Variants in GTF3C1 observed in about 807,000 individuals in gnomAD.
GTF3C1 encodes the protein general transcription factor IIIC subunit 1.
Under a neutral mutation model 226.7 loss-of-function variants are expected in GTF3C1, and 57 were observed. That is an observed-to-expected ratio of 0.25 (90% confidence interval 0.20 to 0.31). The LOEUF (loss-of-function observed/expected upper bound fraction) is 0.31, where lower values mean the gene tolerates loss of function less well. Among genes scored for constraint, GTF3C1 ranks in the 10% least tolerant of loss-of-function variants. GTF3C1 has a pLI of 1.00. For synonymous variants in GTF3C1, 1,090 were observed against 1,084.8 expected (o/e 1.00, Z -0.09); for missense variants, 2,217 against 2,776.1 (o/e 0.80, Z 4.53).
chr16:27,484,838 G>A (rs138280708), intron 24 of GTF3C1, among the ~76,000 whole-genome samples: 6 of 152,372 alleles, frequency 3.9e-5, no homozygotes, highest in African/African-American at 9.6e-5. Context: ...AGGCAAGGCC[G>A]ACATGAGAAA....
At position 27,494,873 on chromosome 16, in the gene GTF3C1, G is replaced by A. The variant is rs201202851; in HGVS notation, c.2668C>T (p.Pro890Ser). 2.0e-5 allele frequency: 33 copies of A among 1,613,418 alleles called. No individual in the cohort carries two copies. The highest frequency in any genetic ancestry group is 5.0e-5 in the Admixed American group (3 of 60,010). The stretch of plus-strand genomic sequence containing the variant: ...AAGTCCCTGTGGACTGGGATTGGGG[G>A]GATGTAGCGCATCCACGAGGCATCG... ...VDDASWMRYIPPIPVHRDFGF... is the reference protein window; with the variant it reads ...VDDASWMRYISPIPVHRDFGF... The change falls in exon 16 of 37, where the codon CCC becomes TCC. Residue 890 changes from proline to serine, a missense_variant. By Grantham distance (74) the Pro-to-Ser change is moderately conservative. Around this residue, in one of 12 missense-constraint regions of GTF3C1, gnomAD observed 353 missense variants for 411.7 expected, o/e 0.86. Transcript: ENST00000356183.
rs1014685832 is a variant in GTF3C1 at position 27,507,991 on chromosome 16, G to T, written c.1242+549C>A. On this transcript the variant is annotated intron_variant, in intron 8 of 36. Transcript: ENST00000356183. The surrounding 1 kb of genome is among the most constrained non-coding windows in gnomAD (Gnocchi z 4.9). Reference sequence around the variant, plus strand: ...TCCCCATGTGGGAGTAGGCTCCCGGGGTGGCCACATCACCTTCTGACTACT... The same window carrying T: ...TCCCCATGTGGGAGTAGGCTCCCGGTGTGGCCACATCACCTTCTGACTACT... Among the ~76,000 whole-genome samples, 1 of 152,238 alleles carries T rather than the reference G, an allele frequency of 6.6e-6. No individual in the cohort carries two copies. Among genetic ancestry groups the T allele is most frequent in the East Asian group, 1.9e-4 (1 of 5,196 alleles).
At chr16:27,528,465 C>T (rs2088865893) in intron 6 of GTF3C1, 133 bp downstream of exon 6, 10 of 727,516 alleles carry the variant, frequency 1.4e-5, no homozygotes, top group East Asian at 7.6e-5. Flanking sequence ...GGCACTGAGG[C>T]GCAGAGTTAA....
chr16:27,521,070 T>C (rs556083272), intron 6 of GTF3C1, among the ~76,000 whole-genome samples: 1 of 152,350 alleles, frequency 6.6e-6, no homozygotes, highest in South Asian at 2.1e-4. Context: ...TGGTGTCAAC[T>C]GTGCAGTGCT....
intron 28 of GTF3C1, among the ~76,000 whole-genome samples, chr16:27,477,818 T>C (rs374019737): frequency 1.3e-5 from 2 of 152,156 alleles, no homozygotes; most frequent in African/African-American, 4.8e-5. Context: ...TAATCAACTG[T>C]TATTGATAAG....
In GTF3C1 at chr16:27,538,173, C is replaced by T; in HGVS notation, c.608+7G>A. The T allele has an allele frequency of 1.3e-6, 2 of 1,534,926 alleles. No homozygotes were observed. Among genetic ancestry groups the T allele is most frequent in the South Asian group, 2.5e-5 (2 of 81,156 alleles). On this transcript the variant is annotated splice_region_variant and intron_variant, in intron 3 of 36. Transcript: ENST00000356183. ...TTTAAAGCAGAGAAGCAAATCCCCC[C>T]ACTTACTTGAAAGCAGTGGTGTGAA...
rs116925653 is a variant in GTF3C1, at chr16:27,514,170, A to G, written c.974-2269T>C. ...ACCCCTCCACTCCTCACAGCATCAG[A>G]AAGTCCCCCAGGGCATGGCTTTTCA... On this transcript the variant is annotated intron_variant, in intron 6 of 36. Transcript: ENST00000356183. Among the ~76,000 whole-genome samples the G allele has an allele frequency of 8.5e-5, 13 of 152,302 alleles. No individual in the cohort carries two copies. In the East Asian group the frequency reaches 2.3e-3, roughly 27 times the overall value.
rs1040317356 is a variant in GTF3C1 at position 27,538,065 on chromosome 16, G to T, written c.608+115C>A. On this transcript the variant is annotated intron_variant, in intron 3 of 36. Transcript: ENST00000356183. The stretch of plus-strand genomic sequence containing the variant: ...AAGAAAACAGTCACTGTGAGACCAC[G>T]GCCTTGAAACAAAAAGCCATGCCTC... The T allele has an allele frequency of 2.4e-6, 3 of 1,268,028 alleles. No homozygotes were observed. The East Asian group carries it at 7.0e-5, about 29-fold the overall frequency. 78.5% of individuals were successfully genotyped at this position (1,268,028 alleles called of 1,614,324 possible). A position where few individuals can be genotyped will look rare whatever the true frequency, so the allele number is the denominator to read the frequency against.
intron 32 of GTF3C1, among the ~76,000 whole-genome samples, chr16:27,468,891 G>C (rs1369487206): frequency 6.6e-6 from 1 of 152,192 alleles, no homozygotes; most frequent in Non-Finnish European, 1.5e-5. Context: ...ATACCTAAAA[G>C]TTTCCTAAGA....
At chr16:27,527,218 A>G (rs2088846037) in intron 6 of GTF3C1, among the ~76,000 whole-genome samples, 1 of 152,174 alleles carries the variant, frequency 6.6e-6, no homozygotes, top group South Asian at 2.1e-4. Flanking sequence ...GGAAAAAAAT[A>G]TAACAGAGGC....
intron 12 of GTF3C1, among the ~76,000 whole-genome samples, chr16:27,499,536 G>C (rs936114521): frequency 4.6e-5 from 7 of 152,206 alleles, no homozygotes; most frequent in African/African-American, 1.7e-4. Flanking sequence ...CTGAACATGG[G>C]CTCAGAAAGA....
intron 6 of GTF3C1, among the ~76,000 whole-genome samples, chr16:27,523,591 G>A (rs991579175): frequency 1.3e-5 from 2 of 152,100 alleles, no homozygotes; most frequent in South Asian, 2.1e-4. Flanking sequence ...TAACTGAAGC[G>A]GCACTTAATT....
In GTF3C1 at chr16:27,502,766, C is replaced by T. The variant is rs569852038; in HGVS notation, c.1907+93G>A. 13 of 1,278,502 alleles carry T rather than the reference C, an allele frequency of 1.0e-5. No individual in the cohort carries two copies. In the South Asian group the frequency reaches 1.6e-4, roughly 16 times the overall value. The allele number at this position is 1,278,502 out of a possible 1,614,324, so 79.2% of individuals were successfully genotyped here. ...ACACAGTGGGACAGAGATTTGAATG[C>T]CCCTCAGTGGTGTCCATGGCTTGTG... is the stretch of plus-strand genomic sequence containing the variant. On this transcript the variant is annotated intron_variant, in intron 11 of 36. Coordinates refer to ENST00000356183, the MANE Select transcript of GTF3C1 (RefSeq NM_001520.4).
chr16:27,538,894 T>C (rs1361726966), intron 2 of GTF3C1, among the ~76,000 whole-genome samples: 1 of 151,328 alleles, frequency 6.6e-6, no homozygotes, highest in African/African-American at 2.4e-5. Flanking sequence ...CCAACTAGAG[T>C]TCTAGCCCCA....
intron 1 of GTF3C1, 62 bp downstream of exon 1, chr16:27,549,608 C>A (rs1423676201): frequency 3.7e-6 from 3 of 818,778 alleles, no homozygotes; most frequent in African/African-American, 1.7e-5. Context: ...CTGCCCCCAG[C>A]TCCATCAGCC....
rs571179131 is a variant in GTF3C1, at chr16:27,494,990, G to A, written c.2633-82C>T. The stretch of plus-strand genomic sequence containing the variant: ...CACATGGTAACGTCATCTCCCAGGA[G>A]GTCTTGGTGTCTTTACCCCTAATTT... On this transcript the variant is annotated intron_variant, in intron 15 of 36. Transcript: ENST00000356183. 1.7e-5 allele frequency: 21 copies of A among 1,257,012 alleles called. No homozygotes were observed. The South Asian group carries it at 2.4e-4, about 14-fold the overall frequency. 77.9% of individuals were successfully genotyped at this position (1,257,012 alleles called of 1,614,324 possible).
chr16:27,470,140 G>A lies in GTF3C1; in HGVS notation c.4782C>T (p.Asp1594=). 2 of 1,614,038 alleles carry A rather than the reference G, an allele frequency of 1.2e-6. No individual in the cohort carries two copies. The highest frequency in any genetic ancestry group is 1.7e-6 in the Non-Finnish European group (2 of 1,179,920). The stretch of plus-strand genomic sequence containing the variant: ...TGACCTCATTCTCCACCATTGAGCT[G>A]TCTACCACGATGATCTGCTCCGGGA... ...VRIPEQIIVV[D]SSMVENEVIK... Residue 1594 remains aspartate (D), a synonymous_variant, in exon 31 of 37, where the codon GAC becomes GAT. Transcript: ENST00000356183. This position sits in a 1 kb window ranked among gnomAD's most constrained non-coding sequence, Gnocchi z 4.9.
At chr16:27,538,003 A>G (rs1596661376) in intron 3 of GTF3C1, 76 bp from the exon 4 acceptor site, 2 of 1,497,240 alleles carry the variant, frequency 1.3e-6, no homozygotes, top group East Asian at 2.3e-5. Flanking sequence ...ACTTGGACAT[A>G]AACACCAGAG....
At chr16:27,510,334 C>T (rs1275381377) in intron 7 of GTF3C1, among the ~76,000 whole-genome samples, 6 of 151,202 alleles carry the variant, frequency 4.0e-5, no homozygotes, top group African/African-American at 1.5e-4. Context: ...TGCAGTGAGC[C>T]AAGATCGCAC....
Sources: gnomAD v4.1 joint callset for allele counts (sites outside exome capture counted in the v4.1 genomes callset) on GRCh38, gnomAD v4.1.1 for gene constraint, gnomAD v4.1.1 regional missense constraint, Gnocchi (gnomAD v3.1) non-coding constraint, MANE v1.5 for transcripts, NCBI Gene and HGNC (gene_info 2026-07-23, HGNC 2026-07-21) for gene names.